Variants in FKTN observed in about 807,000 individuals in gnomAD.
FKTN encodes ribitol-5-phosphate transferase FKTN.
A neutral mutation model predicts 58.6 loss-of-function variants in FKTN; 47 were observed. That is an observed-to-expected ratio of 0.80 (90% CI 0.63 to 1.02). FKTN has a LOEUF of 1.02. Among genes scored for constraint, FKTN ranks in the 50% least tolerant of loss-of-function variants. FKTN has a pLI of 0.00. For synonymous variants in FKTN, 178 were observed against 191.9 expected (o/e 0.93, Z 0.60); for missense variants, 516 against 537.3 (o/e 0.96, Z 0.39).
intron 1 of FKTN, among the ~76,000 whole-genome samples, chr9:105,559,603 G>T (rs181180866): frequency 6.6e-6 from 1 of 151,928 alleles, no homozygotes; most frequent in South Asian, 2.1e-4. Context: ...AGAATCGCTT[G>T]AACTTGGGAG....
At chr9:105,563,302 G>A (rs2131690379) in intron 1 of FKTN, among the ~76,000 whole-genome samples, 1 of 152,278 alleles carries the variant, frequency 6.6e-6, no homozygotes, top group South Asian at 2.1e-4. Flanking sequence ...CGGACAGTGG[G>A]TGCAGGACAG....
chr9:105,574,991 T>G lies in FKTN; in HGVS notation c.-42T>G. On this transcript the variant is annotated 5_prime_UTR_variant, in exon 3 of 11. Coordinates refer to ENST00000357998, the MANE Select transcript of FKTN (RefSeq NM_001079802.2). The stretch of plus-strand genomic sequence containing the variant: ...CCAAATCCAAAAAGATGAAAACGAC[T>G]GAGATACTTTCAAAAGACAACCAAG... 3 of 1,030,478 alleles carry G rather than the reference T, an allele frequency of 2.9e-6. No individual in the cohort carries two copies. Among genetic ancestry groups the G allele is most frequent in the Non-Finnish European group, 4.6e-6 (3 of 647,414 alleles). The allele number at this position is 1,030,478 out of a possible 1,614,324, so 63.8% of individuals were successfully genotyped here.
chr9:105,572,970 C>T (rs913279770), intron 1 of FKTN, among the ~76,000 whole-genome samples: 2 of 152,136 alleles, frequency 1.3e-5, no homozygotes, highest in Non-Finnish European at 2.9e-5. Context: ...TGCCGTGGCT[C>T]ATGCCTGTAA....
chr9:105,636,664 T>C lies in FKTN; in HGVS notation c.*1400T>C. 7.9e-7 allele frequency: 1 copy of C among 1,258,674 alleles called. No individual in the cohort carries two copies. Among genetic ancestry groups the C allele is most frequent in the Non-Finnish European group, 1.0e-6 (1 of 959,232 alleles). The allele number at this position is 1,258,674 out of a possible 1,614,324, so 78.0% of individuals were successfully genotyped here. ...CACAATAAGCACTGCTATTTTTCTC[T>C]TTGTCTAGGAAAGGAAGCTGAATCT... On this transcript the variant is annotated 3_prime_UTR_variant, in exon 11 of 11. Transcript: ENST00000357998.
intron 3 of FKTN, among the ~76,000 whole-genome samples, chr9:105,591,370 G>A (rs896646242): frequency 6.6e-6 from 1 of 152,230 alleles, no homozygotes; most frequent in African/African-American, 2.4e-5. Context: ...AAGATTCGAT[G>A]GGGGTATAGT....
intron 1 of FKTN, among the ~76,000 whole-genome samples, chr9:105,563,602 G>GC (rs1423637796): frequency 6.6e-6 from 1 of 151,874 alleles, no homozygotes; most frequent in African/African-American, 2.4e-5. Context: ...CGAGGCTGGG[G>GC]GGGGGGGCAC....
chr9:105,563,245 T>A (rs938068914), intron 1 of FKTN, among the ~76,000 whole-genome samples: 1 of 152,136 alleles, frequency 6.6e-6, no homozygotes, highest in East Asian at 1.9e-4. Context: ...GACGGGTGAT[T>A]TCTGCATTTC....
At chr9:105,632,582 C>T (rs906572177) in intron 10 of FKTN, among the ~76,000 whole-genome samples, 5 of 152,006 alleles carry the variant, frequency 3.3e-5, no homozygotes, top group Non-Finnish European at 5.9e-5. Context: ...CAGTTGTATT[C>T]ATAGGTTGTG....
At chr9:105,576,436 C>T (rs549217397) in intron 3 of FKTN, among the ~76,000 whole-genome samples, 23 of 151,520 alleles carry the variant, frequency 1.5e-4, no homozygotes, top group African/African-American at 3.6e-4. Context: ...TTTGTTCTTA[C>T]GATAGTTTAC....
intron 3 of FKTN, among the ~76,000 whole-genome samples, chr9:105,582,070 A>G (rs1242192361): frequency 6.6e-6 from 1 of 151,860 alleles, no homozygotes; most frequent in Non-Finnish European, 1.5e-5. Flanking sequence ...ACTGTCTGGC[A>G]CTCCCTAGTG....
At chr9:105,558,490 C>T (rs1321689861) in intron 1 of FKTN, among the ~76,000 whole-genome samples, 2 of 151,998 alleles carry the variant, frequency 1.3e-5, no homozygotes, top group Non-Finnish European at 2.9e-5. Flanking sequence ...GGGTAGTGAC[C>T]CCTGACCTCA....
At chr9:105,628,275 TTA>T (rs1296980161) in intron 10 of FKTN, among the ~76,000 whole-genome samples, 2 of 152,218 alleles carry the variant, frequency 1.3e-5, no homozygotes, top group Non-Finnish European at 2.9e-5. Context: ...AACATACAGA[TTA>T]TGTCTTAGGT....
At position 105,579,472 on chromosome 9, in the gene FKTN, G is replaced by A. The variant is rs565092233; in HGVS notation, c.105+4335G>A. ...TTGTTCAGTTTCCATGTAGTTGAGCGGCTTTGAGTGAGTTTCTTAATCCTG... is the reference window on the plus strand; with the variant it reads ...TTGTTCAGTTTCCATGTAGTTGAGCAGCTTTGAGTGAGTTTCTTAATCCTG... On this transcript the variant is annotated intron_variant, in intron 3 of 10. Coordinates refer to ENST00000357998, the MANE Select transcript of FKTN (RefSeq NM_001079802.2). Among the ~76,000 whole-genome samples, 239 of 151,812 alleles carry A rather than the reference G, an allele frequency of 1.6e-3. 2 individuals are homozygous for A. Among genetic ancestry groups the A allele is most frequent in the African/African-American group, 5.3e-3 (219 of 41,284 alleles).
chr9:105,581,516 C>G (rs1587931016), intron 3 of FKTN, among the ~76,000 whole-genome samples: 1 of 151,294 alleles, frequency 6.6e-6, no homozygotes, highest in Non-Finnish European at 1.5e-5. Flanking sequence ...AGGAGGCAGT[C>G]TGCCGGTTCT....
chr9:105,583,633 T>C lies in FKTN; in HGVS notation c.105+8496T>C, dbSNP rs543483634. Among the ~76,000 whole-genome samples the C allele has an allele frequency of 6.8e-4, 104 of 152,292 alleles. 1 individual carries two copies. The highest frequency in any genetic ancestry group is 2.5e-3 in the African/African-American group (103 of 41,572). ...ACCTTCATCATATATATTTCAAATA[T>C]TTTTCCTGACTTGTAATTTGCCTTT... On this transcript the variant is annotated intron_variant, in intron 3 of 10. Transcript: ENST00000357998.
intron 1 of FKTN, among the ~76,000 whole-genome samples, chr9:105,573,395 A>G (rs1366189048): frequency 2.6e-5 from 4 of 152,208 alleles, no homozygotes; most frequent in African/African-American, 9.6e-5. Context: ...AGGCTAAGGC[A>G]GGAGGTTCTC....
rs1841914694 is a variant in FKTN at position 105,577,262 on chromosome 9, G to A, written c.105+2125G>A. Among the ~76,000 whole-genome samples the A allele has an allele frequency of 2.7e-5, 4 of 145,880 alleles. No individual in the cohort carries two copies. The South Asian group carries it at 6.6e-4, about 24-fold the overall frequency. ...CTTGCCCATGCCTATGTCCTGAATG[G>A]TAATGCCTAGGTTTTCTTCTAGGGT... is the stretch of plus-strand genomic sequence containing the variant. On this transcript the variant is annotated intron_variant, in intron 3 of 10. Transcript: ENST00000357998.
intron 3 of FKTN, among the ~76,000 whole-genome samples, chr9:105,578,562 T>C (rs1197543814): frequency 6.7e-6 from 1 of 150,258 alleles, no homozygotes; most frequent in Non-Finnish European, 1.5e-5. Context: ...TGCTGCTGGA[T>C]TCGGTTTGCC....
intron 8 of FKTN, among the ~76,000 whole-genome samples, 191 bp from the exon 9 acceptor site, chr9:105,617,767 GC>G (rs950877292): frequency 2.0e-5 from 3 of 151,774 alleles, no homozygotes; most frequent in Non-Finnish European, 4.4e-5. Context: ...CCATTCTATA[GC>G]CCCAGCCACT....
Sources: gnomAD v4.1 joint callset for allele counts (sites outside exome capture counted in the v4.1 genomes callset) on GRCh38, gnomAD v4.1.1 for gene constraint, MANE v1.5 for transcripts, NCBI Gene and HGNC (gene_info 2026-07-23, HGNC 2026-07-21) for gene names.